The following PARD3 variants were observed in gnomAD, a reference collection of about 807,000 sequenced individuals.
PARD3 encodes the protein par-3 family cell polarity regulator, also known as partitioning defective 3 homolog.
Under a neutral mutation model 155.4 loss-of-function variants are expected in PARD3, and 75 were observed. The ratio of observed to expected loss-of-function variants is 0.48; its 90% confidence interval spans 0.40 to 0.58. PARD3 has a LOEUF of 0.58. PARD3 is among the 20% of genes least tolerant of loss of function. The probability of loss-of-function intolerance (pLI) is 0.00; values close to 1 mark genes in which losing one functional copy is unlikely to be tolerated. For missense variants in PARD3, 1,642 were observed against 1,721.7 expected (o/e 0.95, Z 0.82); for synonymous variants, 576 against 610.5 (o/e 0.94, Z 0.83).
At chr10:34,253,584 G>A (rs189234407) in intron 22 of PARD3, among the ~76,000 whole-genome samples, 1,539 of 152,140 alleles carry the variant, frequency 0.01, 10 homozygotes, top group Non-Finnish European at 0.013. Context: ...TCATTATCCC[G>A]CAGGTCTTAA....
At position 34,450,321 on chromosome 10, in the gene PARD3, TC is replaced by T; in HGVS notation, c.709del (p.Glu237AsnfsTer36). The T allele has an allele frequency of 6.2e-7, 1 of 1,613,356 alleles. No homozygotes were observed. Among genetic ancestry groups the T allele is most frequent in the Non-Finnish European group, 8.5e-7 (1 of 1,179,716 alleles). On this transcript the variant is annotated frameshift_variant, in exon 5 of 25. Coordinates refer to ENST00000374788, the MANE Select transcript of PARD3 (RefSeq NM_001184785.2). LOFTEE classifies it high-confidence loss of function. ...TATAAGGATTTGTCATGTTACCTGT[TC>T]TTGTTTCTCCAGCCACTTGCCCACC... The part of the protein sequence containing the change: ...PMVGKWLEKQ[E>X]QDEDGTEEDN...
chr10:34,284,465 G>T (rs1956294636), intron 20 of PARD3, among the ~76,000 whole-genome samples: 1 of 152,148 alleles, frequency 6.6e-6, no homozygotes, highest in African/African-American at 2.4e-5. Context: ...TGAGGGAAAT[G>T]ATCTCAATAG....
At chr10:34,747,635 CATCT>C (rs1313525957) in intron 1 of PARD3, among the ~76,000 whole-genome samples, 2 of 152,176 alleles carry the variant, frequency 1.3e-5, no homozygotes, top group Non-Finnish European at 2.9e-5. Flanking sequence ...TGGCTCCCTC[CATCT>C]GAGTCTCTGA....
intron 22 of PARD3, among the ~76,000 whole-genome samples, chr10:34,154,022 T>C (rs773635596): frequency 6.6e-6 from 1 of 152,214 alleles, no homozygotes; most frequent in African/African-American, 2.4e-5. Flanking sequence ...AATTATTTAA[T>C]GTTAAGGTTC....
chr10:34,464,185 T>C (rs1319538468), intron 4 of PARD3, among the ~76,000 whole-genome samples: 1 of 151,952 alleles, frequency 6.6e-6, no homozygotes, highest in Non-Finnish European at 1.5e-5. Context: ...ACAAATTTTC[T>C]GGAGTGGGTA....
chr10:34,399,726 T>C (rs1489094777), intron 6 of PARD3, among the ~76,000 whole-genome samples: 1 of 152,134 alleles, frequency 6.6e-6, no homozygotes, highest in Non-Finnish European at 1.5e-5. Flanking sequence ...TTCTGTGTAA[T>C]ACAAGTTTAT....
At chr10:34,306,145 G>A (rs1481803075) in intron 20 of PARD3, among the ~76,000 whole-genome samples, 2 of 151,764 alleles carry the variant, frequency 1.3e-5, no homozygotes, top group East Asian at 3.9e-4. Flanking sequence ...TTAGGTGGGT[G>A]TGGTGGCTCA....
At chr10:34,221,356 G>A (rs1460429710) in intron 22 of PARD3, among the ~76,000 whole-genome samples, 1 of 150,496 alleles carries the variant, frequency 6.6e-6, no homozygotes, top group East Asian at 1.9e-4. Flanking sequence ...AGCCTCAGGA[G>A]GCCACTCTTT....
At chr10:34,451,014 G>A (rs1201217563) in intron 4 of PARD3, among the ~76,000 whole-genome samples, 1 of 152,086 alleles carries the variant, frequency 6.6e-6, no homozygotes, top group African/African-American at 2.4e-5. Context: ...AACATCAGGG[G>A]AAAAAACTGG....
rs753625605 is a variant in PARD3, at chr10:34,470,152, C to G, written c.515G>C (p.Arg172Pro). 3.1e-6 allele frequency: 5 copies of G among 1,613,298 alleles called. No homozygotes were observed. Among genetic ancestry groups the G allele is most frequent in the Non-Finnish European group, 4.2e-6 (5 of 1,179,720 alleles). The change falls in exon 4 of 25, where the codon CGC becomes CCC. Residue 172 changes from arginine (R) to proline (P), a missense_variant. Arg to Pro is a moderately radical substitution (Grantham distance 103). Transcript: ENST00000374788. ...SEEPSRKNPT[R>P]WSTTAGFLKQ... ...GAGGAAGCCAGCTGTTGTTGACCAG[C>G]GTGTGGGATTTTTCCTTGAAGGCTC...
At chr10:34,163,495 G>A (rs1280372074) in intron 22 of PARD3, among the ~76,000 whole-genome samples, 1 of 152,146 alleles carries the variant, frequency 6.6e-6, no homozygotes, top group Non-Finnish European at 1.5e-5. Context: ...ACTCAACCAC[G>A]GAAAAAGAGA....
chr10:34,229,856 T>A (rs187957823), intron 22 of PARD3, among the ~76,000 whole-genome samples: 3 of 152,236 alleles, frequency 2.0e-5, no homozygotes, highest in Non-Finnish European at 4.4e-5. Flanking sequence ...CAAAGAAACA[T>A]GTCTTTCATT....
intron 22 of PARD3, among the ~76,000 whole-genome samples, chr10:34,237,794 G>A (rs914768798): frequency 1.3e-5 from 2 of 152,162 alleles, no homozygotes; most frequent in East Asian, 3.8e-4. Flanking sequence ...AATTAAGCAT[G>A]TTGTCTTTTT....
intron 22 of PARD3, among the ~76,000 whole-genome samples, chr10:34,149,502 T>C (rs1233358521): frequency 6.6e-6 from 1 of 152,174 alleles, no homozygotes; most frequent in Non-Finnish European, 1.5e-5. Flanking sequence ...GGAATATTTC[T>C]GTGTCTTTGC....
At chr10:34,800,528 T>C (rs905893549) in intron 1 of PARD3, among the ~76,000 whole-genome samples, 1 of 151,824 alleles carries the variant, frequency 6.6e-6, no homozygotes, top group South Asian at 2.1e-4. Flanking sequence ...GGAGAATTGC[T>C]TGAACCCGGG....
At chr10:34,795,920 T>C (rs1208294082) in intron 1 of PARD3, among the ~76,000 whole-genome samples, 2 of 151,932 alleles carry the variant, frequency 1.3e-5, no homozygotes, top group Non-Finnish European at 2.9e-5. Flanking sequence ...TAACATAACA[T>C]AAATAAAAAA....
Position 34,341,750 on chromosome 10 carries a change from C to G in PARD3, c.2285G>C (p.Arg762Thr). Residue 762 changes from arginine to threonine, a missense_variant, in exon 16 of 25, where the codon AGG becomes ACG. Arg to Thr is a moderately conservative substitution (Grantham distance 71). This residue lies in a region of PARD3 where 1,529 missense variants were observed against 1,587.3 expected (regional missense o/e 0.96). Coordinates refer to ENST00000374788, the MANE Select transcript of PARD3 (RefSeq NM_001184785.2). ...GAGATGTGGAGGAAGCACTGGCAAC[C>G]TGTCATCTTCTATAATGACAGTGTC... ...QDDTVIIEDDRLPVLPPHLSD... is the reference protein window; with the variant it reads ...QDDTVIIEDDTLPVLPPHLSD... 6.2e-7 allele frequency: 1 copy of G among 1,613,454 alleles called. No homozygotes were observed. The highest frequency in any genetic ancestry group is 8.5e-7 in the Non-Finnish European group (1 of 1,179,414).
intron 3 of PARD3, among the ~76,000 whole-genome samples, chr10:34,493,591 C>G (rs773984): frequency 0.51 from 78,059 of 151,654 alleles, 23,617 homozygotes; most frequent in African/African-American, 0.86. Flanking sequence ...AATTAGCTGG[C>G]TGTGGTGACA....
In PARD3 at chr10:34,801,291, T is replaced by C. The variant is rs184256820; in HGVS notation, c.120+13585A>G. On this transcript the variant is annotated intron_variant, in intron 1 of 24. Coordinates refer to ENST00000374788, the MANE Select transcript of PARD3 (RefSeq NM_001184785.2). ...ATACAGGAAGGGATCAGAGTCAAAA[T>C]AGGAGTGCTGTGCCATTAGATAAGC... 2.0e-5 allele frequency among the ~76,000 whole-genome samples: 3 copies of C among 152,262 alleles called. No individual in the cohort carries two copies. The East Asian group carries it at 5.8e-4, about 29-fold the overall frequency.
Sources: gnomAD v4.1 joint callset for allele counts (sites outside exome capture counted in the v4.1 genomes callset) on GRCh38, gnomAD v4.1.1 for gene constraint, gnomAD v4.1.1 regional missense constraint, MANE v1.5 for transcripts, NCBI Gene and HGNC (gene_info 2026-07-23, HGNC 2026-07-21) for gene names.